GFRA2: variants seen among roughly 807,000 people sequenced by gnomAD.
The protein encoded by GFRA2 is GDNF family receptor alpha-2.
In GFRA2, 17 loss-of-function variants were observed where a neutral mutation model predicts 48.3. The ratio of observed to expected loss-of-function variants is 0.35; its 90% CI spans 0.24 to 0.53. The LOEUF (loss-of-function observed/expected upper bound fraction) is 0.53. GFRA2 is among the 20% of genes least tolerant of loss of function. The probability of loss-of-function intolerance (pLI) is 0.93; values close to 1 mark genes in which losing one functional copy is unlikely to be tolerated. For synonymous variants in GFRA2, 305 were observed against 257.2 expected (o/e 1.19, Z -1.78); for missense variants, 660 against 637.3 (o/e 1.04, Z -0.38).
intron 3 of GFRA2, among the ~76,000 whole-genome samples, chr8:21,753,621 AAAAAAAG>A (rs1175220299): frequency 6.6e-6 from 1 of 152,190 alleles, no homozygotes; most frequent in Non-Finnish European, 1.5e-5. Flanking sequence ...TCTGTCTCAA[AAAAAAAG>A]AAAAAAAGAA....
chr8:21,751,078 C>G, intron 3 of GFRA2, 136 bp from the exon 4 acceptor site: 1 of 656,984 alleles, frequency 1.5e-6, no homozygotes, highest in Non-Finnish European at 2.6e-6. Context: ...TCCCCCTTTG[C>G]GAAATGGGGA....
At chr8:21,714,253 T>TTTTTTTTTTA (rs1803222241) in intron 4 of GFRA2, among the ~76,000 whole-genome samples, 1 of 133,620 alleles carries the variant, frequency 7.5e-6, no homozygotes, top group Admixed American at 7.6e-5. Flanking sequence ...GTTCTTTTTT[T>TTTTTTTTTTA]TTTTTTTTTT....
chr8:21,798,178 TC>T (rs1354542843), intron 2 of GFRA2, among the ~76,000 whole-genome samples: 2 of 152,154 alleles, frequency 1.3e-5, no homozygotes, highest in Non-Finnish European at 2.9e-5. Context: ...TTCATATTCT[TC>T]CTACCTGACT....
In GFRA2 at chr8:21,705,994, G is replaced by C. The variant is rs748771049; in HGVS notation, c.842C>G (p.Thr281Arg). 1.8e-5 allele frequency: 28 copies of C among 1,581,042 alleles called. No individual in the cohort carries two copies. Among genetic ancestry groups the C allele is most frequent in the Non-Finnish European group, 2.4e-5 (28 of 1,163,232 alleles). The part of the protein sequence containing the change: ...FHANCRASYQ[T>R]VTSCPADNYQ... ...ATTGTCCGCAGGGCAGCTGGTGACC[G>C]TCTGGTAGGAGGCTCGACAATTGGC... Residue 281 changes from threonine (T) to arginine (R), a missense_variant, in exon 5 of 9, where the codon ACG (threonine) becomes AGG (arginine). Transcript: ENST00000524240.
chr8:21,711,205 T>C (rs535317594), intron 4 of GFRA2, among the ~76,000 whole-genome samples: 1 of 152,370 alleles, frequency 6.6e-6, no homozygotes, highest in African/African-American at 2.4e-5. Context: ...GACTCTGGTC[T>C]TGCTGCTGAG....
chr8:21,712,425 C>T (rs1381675300), intron 4 of GFRA2, among the ~76,000 whole-genome samples: 3 of 150,976 alleles, frequency 2.0e-5, no homozygotes, highest in Non-Finnish European at 2.9e-5. Context: ...CGGGCAGAGA[C>T]GCTCCTCACT....
chr8:21,734,798 T>C (rs1469890367), intron 4 of GFRA2, among the ~76,000 whole-genome samples: 1 of 152,246 alleles, frequency 6.6e-6, no homozygotes, highest in Non-Finnish European at 1.5e-5. Context: ...TCTGCTGTGA[T>C]GATCTTTTAT....
chr8:21,755,446 G>C (rs568508579), intron 3 of GFRA2, among the ~76,000 whole-genome samples: 1 of 152,238 alleles, frequency 6.6e-6, no homozygotes, highest in Admixed American at 6.5e-5. Flanking sequence ...AGAGAATCAA[G>C]GTTTGTTTTC....
At chr8:21,719,030 A>T (rs943542789) in intron 4 of GFRA2, among the ~76,000 whole-genome samples, 6 of 151,748 alleles carry the variant, frequency 4.0e-5, no homozygotes, top group Non-Finnish European at 7.4e-5. Context: ...CCCCCTTGCC[A>T]TCCAGCCTGG....
intron 1 of GFRA2, among the ~76,000 whole-genome samples, chr8:21,806,518 T>C (rs1348799915): frequency 6.6e-6 from 1 of 152,198 alleles, no homozygotes; most frequent in Admixed American, 6.5e-5. Context: ...CAGACTGGAG[T>C]GCAGAGGCAC....
intron 2 of GFRA2, among the ~76,000 whole-genome samples, chr8:21,798,439 C>G (rs1807715333): frequency 6.6e-6 from 1 of 152,106 alleles, no homozygotes. Context: ...CATCTCTGCT[C>G]CAACCTAACT....
At chr8:21,801,031 G>A (rs1257525909) in intron 2 of GFRA2, among the ~76,000 whole-genome samples, 1 of 152,032 alleles carries the variant, frequency 6.6e-6, no homozygotes, top group Non-Finnish European at 1.5e-5. Context: ...GATTTGTGGA[G>A]GAGACCTATT....
At chr8:21,809,098 C>T (rs374449397) in intron 1 of GFRA2, among the ~76,000 whole-genome samples, 1 of 152,070 alleles carries the variant, frequency 6.6e-6, no homozygotes, top group South Asian at 2.1e-4. Context: ...ATGGGTAAAG[C>T]AAGGCAGAGA....
chr8:21,773,734 C>A lies in GFRA2; in HGVS notation c.439+1238G>T, dbSNP rs954797740. Among the ~76,000 whole-genome samples the A allele has an allele frequency of 1.2e-4, 18 of 152,268 alleles. No individual in the cohort carries two copies. In the South Asian group the frequency reaches 3.1e-3, roughly 26 times the overall value. On this transcript the variant is annotated intron_variant, in intron 3 of 8. Coordinates refer to ENST00000524240, the MANE Select transcript of GFRA2 (RefSeq NM_001495.5). ...TTGAGAAACATGGTCCTAGAGAGTT[C>A]TTTATTTGAAAGGGCTTAGGTTCTC...
chr8:21,743,510 A>C (rs1368254631), intron 4 of GFRA2, among the ~76,000 whole-genome samples: 1 of 152,222 alleles, frequency 6.6e-6, no homozygotes, highest in East Asian at 1.9e-4. Context: ...CACCACAGAC[A>C]AGATTGACAA....
chr8:21,752,852 C>A (rs938058267), intron 3 of GFRA2, among the ~76,000 whole-genome samples: 2 of 152,150 alleles, frequency 1.3e-5, no homozygotes, highest in Non-Finnish European at 2.9e-5. Flanking sequence ...CTTATTCATA[C>A]ACTGCCAAAC....
rs564448718 is a variant in GFRA2, at chr8:21,715,571, G to A, written c.795-9530C>T. 3.3e-5 allele frequency among the ~76,000 whole-genome samples: 5 copies of A among 152,162 alleles called. No homozygotes were observed. In the South Asian group the frequency reaches 1.0e-3, roughly 32 times the overall value. Reference sequence around the variant, plus strand: ...ATCCACCTGCCTTGGCCTCCCAAGGGCCAGGTGGTTCTATTAAAGGCTGTA... The same window carrying A: ...ATCCACCTGCCTTGGCCTCCCAAGGACCAGGTGGTTCTATTAAAGGCTGTA... On this transcript the variant is annotated intron_variant, in intron 4 of 8. Transcript: ENST00000524240.
intron 4 of GFRA2, among the ~76,000 whole-genome samples, chr8:21,719,214 C>T (rs562808995): frequency 1.2e-3 from 189 of 152,242 alleles, no homozygotes; most frequent in African/African-American, 4.4e-3. Context: ...TCCAAGTCTG[C>T]TCTGGAACAG....
intron 4 of GFRA2, among the ~76,000 whole-genome samples, chr8:21,739,940 G>A (rs1257915032): frequency 2.6e-5 from 4 of 152,240 alleles, no homozygotes; most frequent in African/African-American, 4.8e-5. Context: ...CACACCTGAA[G>A]GACTCTTTTA....
Sources: gnomAD v4.1 joint callset for allele counts (sites outside exome capture counted in the v4.1 genomes callset) on GRCh38, gnomAD v4.1.1 for gene constraint, MANE v1.5 for transcripts, NCBI Gene and HGNC (gene_info 2026-07-23, HGNC 2026-07-21) for gene names.